ABAT: variants seen among roughly 807,000 people sequenced by gnomAD.
The protein encoded by ABAT is 4-aminobutyrate aminotransferase, also known as 4-aminobutyrate aminotransferase, mitochondrial.
Under a neutral mutation model 64.6 loss-of-function variants are expected in ABAT, and 45 were observed. The ratio of observed to expected loss-of-function variants is 0.70; its 90% confidence interval spans 0.55 to 0.89. The LOEUF (loss-of-function observed/expected upper bound fraction) is 0.89, where lower values mean the gene tolerates loss of function less well. ABAT is among the 40% of genes least tolerant of loss of function. The pLI, the probability that ABAT is intolerant of heterozygous loss-of-function variation, is 0.00. For synonymous variants in ABAT, 297 were observed against 250.5 expected (o/e 1.19, Z -1.75); for missense variants, 633 against 658.4 (o/e 0.96, Z 0.42).
intron 9 of ABAT, 58 bp from the exon 10 acceptor site, chr16:8,768,135 C>G: frequency 6.4e-7 from 1 of 1,557,714 alleles, no homozygotes; most frequent in Non-Finnish European, 8.9e-7. Context: ...GCAGGGGCAA[C>G]AATACAGTTC....
intron 2 of ABAT, chr16:8,736,840 C>T (rs568518454): frequency 6.6e-6 from 1 of 152,400 alleles, no homozygotes; most frequent in African/African-American, 2.4e-5. Flanking sequence ...GCTAACTACT[C>T]CTCCGTGTGC....
chr16:8,691,623 T>G (rs1341223908), intron 1 of ABAT, among the ~76,000 whole-genome samples: 2 of 152,166 alleles, frequency 1.3e-5, no homozygotes, highest in African/African-American at 4.8e-5. Flanking sequence ...GTATTTTTAA[T>G]AGAGAGGGGG....
intron 6 of ABAT, among the ~76,000 whole-genome samples, chr16:8,762,644 C>A (rs1046335371): frequency 6.6e-6 from 1 of 152,202 alleles, no homozygotes; most frequent in Non-Finnish European, 1.5e-5. Context: ...AACATCACCC[C>A]CACGTCGTTC....
intron 1 of ABAT, among the ~76,000 whole-genome samples, chr16:8,718,801 A>C (rs1386953000): frequency 6.6e-6 from 1 of 152,342 alleles, no homozygotes; most frequent in African/African-American, 2.4e-5. Flanking sequence ...AAATCAGAGC[A>C]GATACCTGCA....
At chr16:8,711,355 G>A (rs747915514) in intron 1 of ABAT, among the ~76,000 whole-genome samples, 17 of 152,184 alleles carry the variant, frequency 1.1e-4, no homozygotes, top group Non-Finnish European at 2.5e-4. Flanking sequence ...ACCTGAACAA[G>A]GACAAAGTAA....
rs138274425 is a variant in ABAT at position 8,722,666 on chromosome 16, T to C, written c.-41-13033T>C. ...ACCAGCCTGCTGTAACTTCAGATTT[T>C]CAGATTTCTCCAACCTCCTTGGTCA... On this transcript the variant is annotated intron_variant, in intron 1 of 15. Coordinates refer to ENST00000268251, the MANE Select transcript of ABAT (RefSeq NM_020686.6). 563 of 473,938 alleles carry C rather than the reference T, an allele frequency of 1.2e-3. 1 individual carries two copies. The highest frequency in any genetic ancestry group is 0.011 in the African/African-American group (525 of 48,892). 29.4% of individuals were successfully genotyped at this position (473,938 alleles called of 1,614,324 possible).
At chr16:8,685,150 G>A (rs1046562996) in intron 1 of ABAT, among the ~76,000 whole-genome samples, 10 of 151,570 alleles carry the variant, frequency 6.6e-5, no homozygotes, top group Non-Finnish European at 1.3e-4. Context: ...GTCAAGCATG[G>A]TGGTGCGTGC....
chr16:8,737,935 G>A (rs1181582821), intron 2 of ABAT, among the ~76,000 whole-genome samples: 2 of 29,030 alleles, frequency 6.9e-5, no homozygotes, highest in African/African-American at 1.3e-4. Flanking sequence ...AAAAAAAAAA[G>A]AAAGGAAAGG....
intron 1 of ABAT, among the ~76,000 whole-genome samples, chr16:8,709,256 T>C (rs980389107): frequency 5.3e-5 from 8 of 152,088 alleles, no homozygotes; most frequent in Non-Finnish European, 7.4e-5. Flanking sequence ...AACTTTTGCC[T>C]TTTTCCATGT....
At chr16:8,694,715 C>T (rs148614373) in intron 1 of ABAT, among the ~76,000 whole-genome samples, 58 of 152,268 alleles carry the variant, frequency 3.8e-4, no homozygotes, top group Non-Finnish European at 7.1e-4. Flanking sequence ...TTCTCAGTTG[C>T]CATTGCCACT....
At chr16:8,716,662 A>G (rs1195059746) in intron 1 of ABAT, among the ~76,000 whole-genome samples, 1 of 152,164 alleles carries the variant, frequency 6.6e-6, no homozygotes, top group African/African-American at 2.4e-5. Context: ...CCCACACATC[A>G]TGTAGCCAGC....
chr16:8,692,046 C>A (rs1179453574), intron 1 of ABAT, among the ~76,000 whole-genome samples: 2 of 152,156 alleles, frequency 1.3e-5, no homozygotes, highest in Non-Finnish European at 2.9e-5. Context: ...CTGAACTTTC[C>A]TTCCAGTAGA....
At chr16:8,745,978 C>A (rs1264534890) in intron 2 of ABAT, 23 bp from the exon 3 acceptor site, 1 of 1,608,574 alleles carries the variant, frequency 6.2e-7, no homozygotes, top group East Asian at 2.2e-5. Flanking sequence ...CCAGGGATTT[C>A]TCATTGTCTT....
rs2057150249 is a variant in ABAT, at chr16:8,674,620, C to G, written c.-133C>G. 1 of 152,250 alleles carries G rather than the reference C, an allele frequency of 6.6e-6. No individual in the cohort carries two copies. Among genetic ancestry groups the G allele is most frequent in the Non-Finnish European group, 1.5e-5 (1 of 68,062 alleles). The allele number at this position is 152,250 out of a possible 1,614,324, so 9.4% of individuals were successfully genotyped here. The stretch of plus-strand genomic sequence containing the variant: ...CGGCGAGTCGCTGGGGGAAGTCGAG[C>G]AGACACCCAGCGCTGCCGGAACTCG... On this transcript the variant is annotated 5_prime_UTR_variant, in exon 1 of 16. Coordinates refer to ENST00000268251, the MANE Select transcript of ABAT (RefSeq NM_020686.6).
chr16:8,750,943 C>CT (rs71301327), intron 5 of ABAT, among the ~76,000 whole-genome samples: 28,303 of 109,600 alleles, frequency 0.26, 3,984 homozygotes, highest in Middle Eastern at 0.29. Context: ...TTTTTCCCTG[C>CT]TTTTTTTTTT....
chr16:8,682,896 C>T (rs1730944), intron 1 of ABAT, among the ~76,000 whole-genome samples: 12,501 of 152,176 alleles, frequency 0.082, 653 homozygotes, highest in Middle Eastern at 0.14. Context: ...TTAACAATAT[C>T]CCCTGGGGTG....
At chr16:8,688,551 C>T (rs979492486) in intron 1 of ABAT, among the ~76,000 whole-genome samples, 14 of 152,170 alleles carry the variant, frequency 9.2e-5, no homozygotes, top group African/African-American at 3.4e-4. Flanking sequence ...AACACTGCAA[C>T]TCAATCTACA....
At chr16:8,780,733 A>C (rs1406467805) in intron 15 of ABAT, 1 of 188,198 alleles carries the variant, frequency 5.3e-6, no homozygotes, top group East Asian at 1.4e-4. Context: ...ACTGCACCCC[A>C]GCCTGGGTGA....
At chr16:8,683,360 G>C (rs1252522188) in intron 1 of ABAT, 1 of 152,718 alleles carries the variant, frequency 6.5e-6, no homozygotes, top group East Asian at 1.9e-4. Context: ...TACCAGTCAG[G>C]TGTCTGCATT....
Sources: allele counts gnomAD v4.1 joint callset (sites outside exome capture counted in the v4.1 genomes callset), GRCh38; gene constraint gnomAD v4.1.1; transcripts MANE v1.5; gene names NCBI Gene and HGNC (gene_info 2026-07-23, HGNC 2026-07-21).